Variants in PROX2 observed in about 807,000 individuals in gnomAD.
PROX2 encodes prospero homeobox protein 2.
A neutral mutation model predicts 48.9 loss-of-function variants in PROX2; 46 were observed. That is an observed-to-expected ratio of 0.94 (90% CI 0.74 to 1.20). The LOEUF is 1.20. Among genes scored for constraint, PROX2 ranks in the 50% most tolerant of loss-of-function variants. PROX2 has a pLI of 0.00. For missense variants in PROX2, 663 were observed against 719.4 expected (o/e 0.92, Z 0.90); for synonymous variants, 260 against 276.6 (o/e 0.94, Z 0.60).
rs749907090 is a variant in PROX2, at chr14:74,861,220, C to G, written c.1305+1310G>C. 2.1e-5 allele frequency: 28 copies of G among 1,352,892 alleles called. No homozygotes were observed. In the Admixed American group the frequency reaches 4.6e-4, roughly 22 times the overall value. The allele number at this position is 1,352,892 out of a possible 1,614,324, so 83.8% of individuals were successfully genotyped here. A position where few individuals can be genotyped will look rare whatever the true frequency, so the allele number is the denominator to read the frequency against. On this transcript the variant is annotated intron_variant, in intron 3 of 5. Transcript: ENST00000556489. ...ACACGACTGTTCCCACCTGGATATG[C>G]AACTCCATAGACTCATCAGCTTCTG... is the stretch of plus-strand genomic sequence containing the variant.
chr14:74,872,704 A>G (rs1254414778), intron 1 of PROX2, among the ~76,000 whole-genome samples: 2 of 152,122 alleles, frequency 1.3e-5, no homozygotes, highest in African/African-American at 4.8e-5. Context: ...GTCCTGTTTT[A>G]TTCTCTATGA....
In PROX2 at chr14:74,863,875, A is replaced by C; in HGVS notation, c.-41T>G. On this transcript the variant is annotated 5_prime_UTR_variant, in exon 3 of 6. Coordinates refer to ENST00000556489, the MANE Select transcript of PROX2 (RefSeq NM_001243007.2). Reference sequence around the variant, plus strand: ...AGGGCTTCAGGAATTCCTCCTCCTTATTTCCTCAGCTGGAAGTGCACCCAG... The same window carrying C: ...AGGGCTTCAGGAATTCCTCCTCCTTCTTTCCTCAGCTGGAAGTGCACCCAG... 1.4e-6 allele frequency: 2 copies of C among 1,442,176 alleles called. No individual in the cohort carries two copies. Among genetic ancestry groups the C allele is most frequent in the Non-Finnish European group, 9.1e-7 (1 of 1,104,660 alleles). 89.3% of individuals were successfully genotyped at this position (1,442,176 alleles called of 1,614,324 possible).
At chr14:74,868,858 T>G (rs1883143951) in intron 2 of PROX2, among the ~76,000 whole-genome samples, 1 of 150,682 alleles carries the variant, frequency 6.6e-6, no homozygotes, top group Admixed American at 6.6e-5. Flanking sequence ...AATAAGATAG[T>G]ATGGAGATAG....
Position 74,861,222 on chromosome 14 carries a change from A to G in PROX2, c.1305+1308T>C, listed in dbSNP as rs1011127566. On this transcript the variant is annotated intron_variant, in intron 3 of 5. Coordinates refer to ENST00000556489, the MANE Select transcript of PROX2 (RefSeq NM_001243007.2). ...ACGACTGTTCCCACCTGGATATGCA[A>G]CTCCATAGACTCATCAGCTTCTGGA... 6.7e-6 allele frequency: 9 copies of G among 1,352,766 alleles called. No homozygotes were observed. In the African/African-American group the frequency reaches 1.3e-4, roughly 20 times the overall value. The allele number at this position is 1,352,766 out of a possible 1,614,324, so 83.8% of individuals were successfully genotyped here.
Position 74,855,140 on chromosome 14 carries a change from G to A in PROX2, c.1771C>T (p.Pro591Ser). ...IPEIFKSSSYPQ is the reference protein window; with the variant it reads ...IPEIFKSSSYSQ ...TCTTAACCCCGAAACAGCTACTGGG[G>A]ATAGCTGGAAGATTTGAATATCTCT... Residue 591 changes from proline (P) to serine (S), a missense_variant, in exon 6 of 6, where the codon CCC becomes TCC. By Grantham distance (74) the Pro-to-Ser change is moderately conservative. Coordinates refer to ENST00000556489, the MANE Select transcript of PROX2 (RefSeq NM_001243007.2). 1.3e-6 allele frequency: 2 copies of A among 1,557,536 alleles called. No individual in the cohort carries two copies. Among genetic ancestry groups the A allele is most frequent in the Non-Finnish European group, 1.8e-6 (2 of 1,141,656 alleles).
At chr14:74,868,356 T>TATAG (rs1883125967) in intron 2 of PROX2, among the ~76,000 whole-genome samples, 1 of 107,332 alleles carries the variant, frequency 9.3e-6, no homozygotes, top group Non-Finnish European at 1.9e-5. Context: ...TATATATATA[T>TATAG]ATATAAACAA....
chr14:74,860,102 A>T (rs2091782836), intron 3 of PROX2, among the ~76,000 whole-genome samples: 1 of 152,218 alleles, frequency 6.6e-6, no homozygotes, highest in Non-Finnish European at 1.5e-5. Context: ...TGCTTCTCGG[A>T]TACCCGATCT....
chr14:74,873,536 G>T, intron 1 of PROX2: 1 of 226,218 alleles, frequency 4.4e-6, no homozygotes, highest in Non-Finnish European at 8.7e-6. Flanking sequence ...GGAGCATCTG[G>T]TACAGTGGCT....
intron 1 of PROX2, among the ~76,000 whole-genome samples, 114 bp downstream of exon 1, chr14:74,875,781 G>A (rs900406786): frequency 1.3e-5 from 2 of 152,042 alleles, no homozygotes; most frequent in Admixed American, 6.6e-5. Flanking sequence ...TATAGGGGTG[G>A]GTATTGCTAT....
chr14:74,873,990 G>C lies in PROX2; in HGVS notation c.-310+1905C>G, dbSNP rs150535829. ...GGAAGAGTTTGAGTTAACAAATATT[G>C]ACATGGTTCAATGTGATGTGTGCCT... On this transcript the variant is annotated intron_variant, in intron 1 of 5. Coordinates refer to ENST00000556489, the MANE Select transcript of PROX2 (RefSeq NM_001243007.2). 326 of 505,252 alleles carry C rather than the reference G, an allele frequency of 6.5e-4. 2 individuals are homozygous for C. Among genetic ancestry groups the C allele is most frequent in the Middle Eastern group, 1.3e-3 (4 of 3,040 alleles). The allele number at this position is 505,252 out of a possible 1,614,324, so 31.3% of individuals were successfully genotyped here.
chr14:74,861,448 G>T lies in PROX2; in HGVS notation c.1305+1082C>A, dbSNP rs74390105. On this transcript the variant is annotated intron_variant, in intron 3 of 5. Coordinates refer to ENST00000556489, the MANE Select transcript of PROX2 (RefSeq NM_001243007.2). ...AGGCTCTGAGAATTCCTGCAGAAAA[G>T]AAACTATCTCAGTATTTCCCCAAGG... 2.6e-3 allele frequency among the ~76,000 whole-genome samples: 400 copies of T among 152,328 alleles called. 1 individual carries two copies. Among genetic ancestry groups the T allele is most frequent in the Non-Finnish European group, 4.7e-3 (321 of 68,042 alleles).
At chr14:74,873,611 G>A (rs1055628751) in intron 1 of PROX2, 5 of 264,616 alleles carry the variant, frequency 1.9e-5, no homozygotes, top group African/African-American at 4.5e-5. Context: ...TTCTGGCCCC[G>A]GCCAAGGTGC....
chr14:74,865,222 T>TCAACTATTTATTGAA (rs1883023802), intron 2 of PROX2: 1 of 152,080 alleles, frequency 6.6e-6, no homozygotes, highest in Admixed American at 6.5e-5. Flanking sequence ...CATTCACTGT[T>TCAACTATTTATTGAA]CAACTATTTA....
At chr14:74,866,457 G>T (rs898032703) in intron 2 of PROX2, among the ~76,000 whole-genome samples, 8 of 152,174 alleles carry the variant, frequency 5.3e-5, no homozygotes, top group Non-Finnish European at 1.2e-4. Context: ...GAGGCTGGGG[G>T]CATGAGCTGG....
At chr14:74,868,260 A>AT (rs1883114450) in intron 2 of PROX2, among the ~76,000 whole-genome samples, 1 of 138,232 alleles carries the variant, frequency 7.2e-6, no homozygotes, top group Admixed American at 7.9e-5. Context: ...GGTGTTCATC[A>AT]TTTTTGCCAA....
chr14:74,856,973 TG>T lies in PROX2; in HGVS notation c.1435del (p.Gln479ArgfsTer2). On this transcript the variant is annotated frameshift_variant, in exon 5 of 6. Coordinates refer to ENST00000556489, the MANE Select transcript of PROX2 (RefSeq NM_001243007.2). LOFTEE classifies it high-confidence loss of function. ...AAAGTTGCTGAACCACTTGATCATC[TG>T]GGAGGTAATGCAGCGGTTGAACTGT... The part of the protein sequence containing the change: ...DVQFNRCITS[Q>X]MIKWFSNFRE... 1 of 1,613,966 alleles carries T rather than the reference TG, an allele frequency of 6.2e-7. No homozygotes were observed. Among genetic ancestry groups the T allele is most frequent in the Non-Finnish European group, 8.5e-7 (1 of 1,179,866 alleles).
At chr14:74,865,906 G>A (rs1050705265) in intron 2 of PROX2, among the ~76,000 whole-genome samples, 3 of 152,116 alleles carry the variant, frequency 2.0e-5, no homozygotes, top group Non-Finnish European at 4.4e-5. Flanking sequence ...ACGATACCCT[G>A]GATATGTTAA....
chr14:74,868,315 A>T (rs1213432478), intron 2 of PROX2, among the ~76,000 whole-genome samples: 12 of 9,026 alleles, frequency 1.3e-3, no homozygotes, highest in African/African-American at 2.8e-3. Flanking sequence ...TCTCGTAATT[A>T]TATATATATA....
At chr14:74,869,427 C>T (rs1005166432) in intron 2 of PROX2, among the ~76,000 whole-genome samples, 1 of 151,998 alleles carries the variant, frequency 6.6e-6, no homozygotes, top group Non-Finnish European at 1.5e-5. Context: ...TACAAGCATG[C>T]ACCACCACAC....
Sources: allele counts gnomAD v4.1 joint callset (sites outside exome capture counted in the v4.1 genomes callset), GRCh38; gene constraint gnomAD v4.1.1; transcripts MANE v1.5; gene names NCBI Gene and HGNC (gene_info 2026-07-23, HGNC 2026-07-21).